Variants in GSG1L observed in about 807,000 individuals in gnomAD.
GSG1L encodes GSG1 like.
A neutral mutation model predicts 42.1 loss-of-function variants in GSG1L; 24 were observed. The ratio of observed to expected loss-of-function variants is 0.57; its 90% CI spans 0.41 to 0.80. GSG1L has a LOEUF of 0.80. Among genes scored for constraint, GSG1L ranks in the 30% least tolerant of loss-of-function variants. The pLI is 0.00. For missense variants in GSG1L, 445 were observed against 472.2 expected, an observed-to-expected ratio of 0.94 and a Z score of 0.53; for synonymous variants, 215 against 203.5, an observed-to-expected ratio of 1.06 and a Z score of -0.48.
chr16:27,963,106 T>C (rs763398357), intron 2 of GSG1L, 50 bp downstream of exon 2: 1 of 1,517,008 alleles, frequency 6.6e-7, no homozygotes, highest in East Asian at 2.3e-5. Flanking sequence ...GTAGGAAAGA[T>C]GTCCCCAGAG....
At chr16:27,809,999 G>C (rs1469183694) in intron 5 of GSG1L, among the ~76,000 whole-genome samples, 3 of 152,240 alleles carry the variant, frequency 2.0e-5, no homozygotes, top group Admixed American at 1.3e-4. Flanking sequence ...GTAGAAGGGA[G>C]AGAGATACTC....
intron 3 of GSG1L, among the ~76,000 whole-genome samples, chr16:27,871,130 A>G (rs561368517): frequency 6.6e-6 from 1 of 152,220 alleles, no homozygotes; most frequent in South Asian, 2.1e-4. Context: ...CCAGTCCTGG[A>G]GTCACTGTCT....
intron 1 of GSG1L, among the ~76,000 whole-genome samples, chr16:28,028,548 A>T (rs755274815): frequency 6.6e-6 from 1 of 152,056 alleles, no homozygotes; most frequent in Non-Finnish European, 1.5e-5. Flanking sequence ...CACTCATTGC[A>T]TGGCCAACAG....
At chr16:27,890,348 G>A (rs1282589806) in intron 2 of GSG1L, among the ~76,000 whole-genome samples, 2 of 152,200 alleles carry the variant, frequency 1.3e-5, no homozygotes, top group African/African-American at 4.8e-5. Context: ...GCCAGGTTGG[G>A]GAAGCTGGAC....
At chr16:28,011,009 G>A (rs1309689098) in intron 1 of GSG1L, among the ~76,000 whole-genome samples, 1 of 152,172 alleles carries the variant, frequency 6.6e-6, no homozygotes, top group Non-Finnish European at 1.5e-5. Context: ...TCGGGGCTCT[G>A]CCGGGCAGGC....
intron 1 of GSG1L, among the ~76,000 whole-genome samples, chr16:28,011,825 T>A (rs1327040415): frequency 6.6e-6 from 1 of 152,238 alleles, no homozygotes; most frequent in Non-Finnish European, 1.5e-5. Flanking sequence ...TCTATTTCGC[T>A]TAAGCCGCTA....
chr16:27,806,477 G>T (rs1252759879), intron 6 of GSG1L, among the ~76,000 whole-genome samples: 1 of 152,218 alleles, frequency 6.6e-6, no homozygotes, highest in Non-Finnish European at 1.5e-5. Context: ...ACAAGGTACA[G>T]GGAAATTGGG....
At chr16:27,948,908 C>CTATTAT (rs372937677) in intron 2 of GSG1L, among the ~76,000 whole-genome samples, 1,704 of 141,388 alleles carry the variant, frequency 0.012, 33 homozygotes, top group African/African-American at 0.039. Flanking sequence ...CGCACCTGAT[C>CTATTAT]TATTATTATT....
chr16:27,862,784 A>G (rs969943873), intron 3 of GSG1L, among the ~76,000 whole-genome samples: 3 of 152,118 alleles, frequency 2.0e-5, no homozygotes, highest in African/African-American at 7.2e-5. Flanking sequence ...ACCAACACCT[A>G]CGCTCCCCAT....
intron 2 of GSG1L, among the ~76,000 whole-genome samples, chr16:27,908,889 G>A (rs2084349456): frequency 6.6e-6 from 1 of 152,130 alleles, no homozygotes; most frequent in Non-Finnish European, 1.5e-5. Context: ...CCCACTGAGG[G>A]CTTCAGTAAC....
rs62031309 is a variant in GSG1L, at chr16:28,059,233, C to T, written c.349+3843G>A. Reference sequence around the variant, plus strand: ...GAGGCTGAGCCCAGCCTTGAACTTCCACCAGTTCTACAGGGGAGAGAGTTT... The same window carrying T: ...GAGGCTGAGCCCAGCCTTGAACTTCTACCAGTTCTACAGGGGAGAGAGTTT... On this transcript the variant is annotated intron_variant, in intron 1 of 6. Coordinates refer to ENST00000447459, the MANE Select transcript of GSG1L (RefSeq NM_001109763.2). This position sits in a 1 kb window ranked among gnomAD's most constrained non-coding sequence, Gnocchi z 4.4. 0.17 allele frequency among the ~76,000 whole-genome samples: 25,353 copies of T among 152,168 alleles called. 2,273 individuals carry two copies. Among genetic ancestry groups the T allele is most frequent in the Middle Eastern group, 0.19 (57 of 294 alleles).
chr16:27,854,569 C>T (rs1160857472), intron 3 of GSG1L, among the ~76,000 whole-genome samples: 1 of 152,126 alleles, frequency 6.6e-6, no homozygotes, highest in Non-Finnish European at 1.5e-5. Flanking sequence ...GCGAGTTGGG[C>T]CGTGTGCTCA....
At chr16:28,000,691 C>T (rs2085570719) in intron 1 of GSG1L, among the ~76,000 whole-genome samples, 1 of 152,240 alleles carries the variant, frequency 6.6e-6, no homozygotes, top group Admixed American at 6.5e-5. Context: ...TTCCCACAGA[C>T]ACTCTCAGAG....
At position 27,999,051 on chromosome 16, in the gene GSG1L, A is replaced by G. The variant is rs2085551389; in HGVS notation, c.350-35848T>C. On this transcript the variant is annotated intron_variant, in intron 1 of 6. Coordinates refer to ENST00000447459, the MANE Select transcript of GSG1L (RefSeq NM_001109763.2). ...TATGTTTACTTGTACATCTCTCAGT[A>G]GCCTGCAAGCAATTTAAGAGTGAAA... Among the ~76,000 whole-genome samples, 3 of 152,242 alleles carry G rather than the reference A, an allele frequency of 2.0e-5. No individual in the cohort carries two copies. The South Asian group carries it at 6.2e-4, about 32-fold the overall frequency.
chr16:28,015,908 T>C (rs2085774941), intron 1 of GSG1L, among the ~76,000 whole-genome samples: 1 of 152,200 alleles, frequency 6.6e-6, no homozygotes, highest in Non-Finnish European at 1.5e-5. Flanking sequence ...ATATGGCAAA[T>C]TGAGATGAAG....
intron 1 of GSG1L, among the ~76,000 whole-genome samples, chr16:27,976,754 C>T (rs1029307336): frequency 4.6e-5 from 7 of 152,172 alleles, no homozygotes; most frequent in African/African-American, 1.7e-4. Context: ...TTGCTACTGC[C>T]TTAATCTCAA....
chr16:28,015,330 C>T (rs993272152), intron 1 of GSG1L, among the ~76,000 whole-genome samples: 1 of 152,186 alleles, frequency 6.6e-6, no homozygotes, highest in Non-Finnish European at 1.5e-5. Context: ...ATAGCAAGAC[C>T]CCTGTCTACA....
intron 3 of GSG1L, among the ~76,000 whole-genome samples, chr16:27,863,623 A>G (rs1314640623): frequency 6.6e-6 from 1 of 152,232 alleles, no homozygotes; most frequent in Admixed American, 6.5e-5. Context: ...TGTCACTGAT[A>G]TCCCAGAGGT....
chr16:27,789,995 C>CTGGATGGA lies in GSG1L; in HGVS notation c.*1367_*1374dup, dbSNP rs368772741. 33 of 131,686 alleles carry CTGGATGGA rather than the reference C, an allele frequency of 2.5e-4. No homozygotes were observed. Among genetic ancestry groups the CTGGATGGA allele is most frequent in the African/African-American group, 9.4e-4 (33 of 35,208 alleles). 8.2% of individuals were successfully genotyped at this position (131,686 alleles called of 1,614,324 possible). ...ACAATAGCTGGATGAGTGATAGATG[C>CTGGATGGA]TGGATGGATGGATGGATGGATAGAT... On this transcript the variant is annotated 3_prime_UTR_variant, in exon 7 of 7. Transcript: ENST00000447459.
Sources: allele counts gnomAD v4.1 joint callset (sites outside exome capture counted in the v4.1 genomes callset), GRCh38; gene constraint gnomAD v4.1.1; non-coding constraint Gnocchi (gnomAD v3.1); transcripts MANE v1.5; gene names NCBI Gene and HGNC (gene_info 2026-07-23, HGNC 2026-07-21).